Variants in CAPS2 observed in about 807,000 individuals in gnomAD.
CAPS2 encodes the protein calcyphosine 2, also known as calcyphosin-2.
In CAPS2, 98 loss-of-function variants were observed where a neutral mutation model predicts 86.5. The observed-to-expected ratio is 1.13, with a 90% CI of 0.96 to 1.34. The LOEUF (loss-of-function observed/expected upper bound fraction) is 1.34. CAPS2 is among the 40% of genes most tolerant of loss of function. The pLI is 0.00. For missense variants in CAPS2, 729 were observed against 686.8 expected, an observed-to-expected ratio of 1.06 and a Z score of -0.69; for synonymous variants, 210 against 225.1, an observed-to-expected ratio of 0.93 and a Z score of 0.60.
chr12:75,293,405 G>A (rs7967562), intron 11 of CAPS2, 38 bp from the exon 12 acceptor site: 761,900 of 1,242,614 alleles, frequency 0.61, 236,881 homozygotes, highest in South Asian at 0.75. Flanking sequence ...TAGAAAGCAT[G>A]TAAGAAATAA....
chr12:75,326,367 A>T, intron 1 of CAPS2, 51 bp downstream of exon 2: 1 of 682,490 alleles, frequency 1.5e-6, no homozygotes, highest in South Asian at 2.2e-5. Flanking sequence ...AAGGTAAAAA[A>T]ATTATTTATA....
chr12:75,278,457 A>T (rs1287134606), exon 17 of CAPS2: 1 of 985,688 alleles, frequency 1.0e-6, no homozygotes, highest in Admixed American at 6.2e-5. Context: ...TATCAAATTG[A>T]CCATGGTGGC....
At chr12:75,313,289 G>A (rs2039422609) in intron 6 of CAPS2, among the ~76,000 whole-genome samples, 1 of 152,058 alleles carries the variant, frequency 6.6e-6, no homozygotes, top group African/African-American at 2.4e-5. Context: ...GCTCCAAGAA[G>A]GCTACCAACA....
exon 17 of CAPS2, chr12:75,278,108 A>T: frequency 2.2e-6 from 2 of 910,902 alleles, no homozygotes; most frequent in Non-Finnish European, 2.6e-6. Flanking sequence ...ATTTTAATAA[A>T]GAACATTTCC....
At chr12:75,387,491 G>A (rs940403628) in intron 1 of CAPS2, among the ~76,000 whole-genome samples, 8 of 152,148 alleles carry the variant, frequency 5.3e-5, no homozygotes, top group Non-Finnish European at 1.0e-4. Flanking sequence ...TTGGAACATA[G>A]TTTAGCAGTT....
At chr12:75,339,485 A>T (rs1190700471) in intron 1 of CAPS2, among the ~76,000 whole-genome samples, 2 of 151,958 alleles carry the variant, frequency 1.3e-5, no homozygotes, top group East Asian at 3.9e-4. Flanking sequence ...TAGACTCTGG[A>T]TATTAGACCT....
intron 1 of CAPS2, among the ~76,000 whole-genome samples, chr12:75,359,266 T>C (rs2043383908): frequency 6.8e-6 from 1 of 147,434 alleles, no homozygotes. Context: ...TACTGAAAAC[T>C]ACATAATATC....
chr12:75,390,112 A>G (rs1255201399), intron 1 of CAPS2, among the ~76,000 whole-genome samples: 3 of 152,226 alleles, frequency 2.0e-5, no homozygotes, highest in Non-Finnish European at 4.4e-5. Flanking sequence ...AATGCTATTA[A>G]GCACAATATG....
chr12:75,360,856 G>C (rs1032969324), intron 1 of CAPS2: 1 of 152,130 alleles, frequency 6.6e-6, no homozygotes, highest in Non-Finnish European at 1.5e-5. Flanking sequence ...TAGATATCCA[G>C]GCATTTCCAT....
intron 5 of CAPS2, among the ~76,000 whole-genome samples, chr12:75,319,445 T>G (rs1565896412): frequency 6.6e-6 from 1 of 152,170 alleles, no homozygotes; most frequent in Non-Finnish European, 1.5e-5. Flanking sequence ...TCTCTGCACA[T>G]GCTGGCTTCC....
At chr12:75,326,268 A>G in intron 1 of CAPS2, 150 bp downstream of exon 2, 1 of 411,054 alleles carries the variant, frequency 2.4e-6, no homozygotes, top group East Asian at 3.4e-5. Context: ...AGTAATCATT[A>G]TCTTCAATTT....
At chr12:75,276,090 TC>T, downstream of CAPS2, 1 of 1,041,082 alleles carries the variant, frequency 9.6e-7, no homozygotes, top group Non-Finnish European at 1.3e-6. Context: ...AAGAGCCTCT[TC>T]TCATGATCAG....
At chr12:75,288,951 G>T (rs2035375844) in intron 14 of CAPS2, among the ~76,000 whole-genome samples, 1 of 152,178 alleles carries the variant, frequency 6.6e-6, no homozygotes, top group Non-Finnish European at 1.5e-5. Context: ...CCTTTAGACA[G>T]AAGTGTCAGG....
intron 9 of CAPS2, 110 bp downstream of exon 9, chr12:75,299,727 T>C (rs1481802772): frequency 8.3e-6 from 4 of 479,084 alleles, no homozygotes; most frequent in Non-Finnish European, 1.5e-5. Context: ...TTCACGTATT[T>C]TTATTTAAAT....
At chr12:75,296,000 GA>G (rs1430029563) in intron 11 of CAPS2, among the ~76,000 whole-genome samples, 1 of 152,196 alleles carries the variant, frequency 6.6e-6, no homozygotes, top group East Asian at 1.9e-4. Context: ...CTGCAATTCA[GA>G]TTGGAAGATG....
At chr12:75,330,622 A>G (rs1427654714), upstream of CAPS2, among the ~76,000 whole-genome samples, 10 of 152,142 alleles carry the variant, frequency 6.6e-5, 1 homozygote, top group Non-Finnish European at 8.8e-5. Flanking sequence ...GATATTAGAC[A>G]TGGATATTAC....
At position 75,323,231 on chromosome 12, in the gene CAPS2, C is replaced by T; in HGVS notation, c.132-9G>A. On this transcript the variant is annotated splice_polypyrimidine_tract_variant and intron_variant, in intron 2 of 16. Coordinates refer to ENST00000393284, the Ensembl canonical transcript of CAPS2. ...AATCAAGTCGTGGGACCCTGAAAGA[C>T]ATAATCTATGTATCCCGTAACTTTT... is the stretch of plus-strand genomic sequence containing the variant. 6.5e-7 allele frequency: 1 copy of T among 1,540,822 alleles called. No homozygotes were observed. The highest frequency in any genetic ancestry group is 2.5e-5 in the East Asian group (1 of 40,652).
chr12:75,350,251 G>A lies in CAPS2; in HGVS notation c.-394-27029C>T, dbSNP rs147466090. Among the ~76,000 whole-genome samples the A allele has an allele frequency of 1.1e-3, 171 of 152,322 alleles. 1 individual carries two copies. The highest frequency in any genetic ancestry group is 3.6e-3 in the African/African-American group (151 of 41,580). ...CAGATCTCTGATTTCCCTGAGAGGA[G>A]CCCCTAGGAGGAGGGGCAGCCACAG... is the stretch of plus-strand genomic sequence containing the variant. On this transcript the variant is annotated intron_variant, in intron 1 of 5. Coordinates refer to the CAPS2 transcript ENST00000551829.
chr12:75,310,787 G>C (rs112917363), intron 7 of CAPS2, among the ~76,000 whole-genome samples: 2,322 of 152,064 alleles, frequency 0.015, 55 homozygotes, highest in African/African-American at 0.048. Context: ...CAGCTAAGTA[G>C]CTCAGTGGCA....
Sources: gnomAD v4.1 joint callset for allele counts (sites outside exome capture counted in the v4.1 genomes callset) on GRCh38, gnomAD v4.1.1 for gene constraint, MANE v1.5 for transcripts, NCBI Gene and HGNC (gene_info 2026-07-23, HGNC 2026-07-21) for gene names.